The following C6orf58 variants were observed in gnomAD, a reference collection of about 807,000 sequenced individuals.
C6orf58 encodes chromosome 6 open reading frame 58.
C6orf58 carries 30 observed loss-of-function variants against 37.0 expected under a neutral mutation model. The ratio of observed to expected loss-of-function variants is 0.81; its 90% CI spans 0.61 to 1.10. C6orf58 has a LOEUF of 1.10. Among genes scored for constraint, C6orf58 ranks in the 50% least tolerant of loss-of-function variants. The pLI, the probability that C6orf58 is intolerant of heterozygous loss-of-function variation, is 0.00. For missense variants in C6orf58, 368 were observed against 387.5 expected (o/e 0.95, Z 0.42); for synonymous variants, 143 against 134.1 (o/e 1.07, Z -0.46).
chr6:127,590,323 T>G lies in C6orf58; in HGVS notation c.911T>G (p.Ile304Arg). The change falls in exon 5 of 6, where the codon ATA becomes AGA. Residue 304 changes from isoleucine to arginine, a missense_variant and splice_region_variant. Transcript: ENST00000329722. Reference sequence around the variant, plus strand: ...ATGCTTGACAATGTGGATAAATCTATAGGTAAGAACCTTAAAAGGATACTT... The same window carrying G: ...ATGCTTGACAATGTGGATAAATCTAGAGGTAAGAACCTTAAAAGGATACTT... ...LNMLDNVDKSIGYLCTEKSNV... is the reference protein window; with the variant it reads ...LNMLDNVDKSRGYLCTEKSNV... 6.4e-7 allele frequency: 1 copy of G among 1,572,320 alleles called. No individual in the cohort carries two copies. Among genetic ancestry groups the G allele is most frequent in the Non-Finnish European group, 8.7e-7 (1 of 1,146,526 alleles).
chr6:127,591,819 A>G lies in C6orf58; in HGVS notation c.*197A>G. ...AAATTAAATGCATTCAAGTTAAAAT[A>G]ATGATTATTTTGCTCATGATTTTAA... is the stretch of plus-strand genomic sequence containing the variant. On this transcript the variant is annotated 3_prime_UTR_variant, in exon 6 of 6. Coordinates refer to ENST00000329722, the MANE Select transcript of C6orf58 (RefSeq NM_001010905.3). 1 of 354,682 alleles carries G rather than the reference A, an allele frequency of 2.8e-6. No individual in the cohort carries two copies. The highest frequency in any genetic ancestry group is 4.8e-6 in the Non-Finnish European group (1 of 208,280). The allele number at this position is 354,682 out of a possible 1,614,324, so 22.0% of individuals were successfully genotyped here.
At chr6:127,590,002 C>A in intron 4 of C6orf58, 85 bp from the exon 5 acceptor site, 2 of 870,898 alleles carry the variant, frequency 2.3e-6, no homozygotes, top group South Asian at 1.7e-5. Flanking sequence ...AGTTTGTTGG[C>A]AAGAACCAAT....
At chr6:127,591,010 A>C (rs1775157191) in intron 5 of C6orf58, among the ~76,000 whole-genome samples, 1 of 152,188 alleles carries the variant, frequency 6.6e-6, no homozygotes, top group South Asian at 2.1e-4. Flanking sequence ...ATGTTTAAAA[A>C]AAACCTCTGC....
intron 1 of C6orf58, 88 bp downstream of exon 1, chr6:127,577,574 T>C (rs1775003359): frequency 5.4e-6 from 6 of 1,111,534 alleles, no homozygotes; most frequent in Non-Finnish European, 7.9e-6. Context: ...TACCCTACTA[T>C]GTTTTTAAAA....
At chr6:127,583,698 C>T (rs1002338140) in intron 4 of C6orf58, among the ~76,000 whole-genome samples, 5 of 152,038 alleles carry the variant, frequency 3.3e-5, no homozygotes, top group Non-Finnish European at 7.4e-5. Context: ...TCTTTGGTGT[C>T]GTTTCCAAAA....
At chr6:127,590,010 A>G (rs1341760456) in intron 4 of C6orf58, 77 bp from the exon 5 acceptor site, 2 of 932,080 alleles carry the variant, frequency 2.1e-6, no homozygotes, top group East Asian at 2.4e-5. Flanking sequence ...GGCAAGAACC[A>G]ATATTTTCTG....
At chr6:127,590,880 C>A (rs1266809871) in intron 5 of C6orf58, among the ~76,000 whole-genome samples, 1 of 152,054 alleles carries the variant, frequency 6.6e-6, no homozygotes, top group Non-Finnish European at 1.5e-5. Context: ...GTGACTATAT[C>A]ATTCCCATTT....
chr6:127,590,245 C>T lies in C6orf58; in HGVS notation c.833C>T (p.Pro278Leu). The T allele has an allele frequency of 6.2e-7, 1 of 1,613,482 alleles. No homozygotes were observed. The highest frequency in any genetic ancestry group is 1.7e-4 in the Middle Eastern group (1 of 6,058). The change falls in exon 5 of 6, where the codon CCT becomes CTT. Residue 278 changes from proline to leucine, a missense_variant. Pro to Leu is a moderately conservative substitution (Grantham distance 98). Coordinates refer to ENST00000329722, the MANE Select transcript of C6orf58 (RefSeq NM_001010905.3). ...ATTCTTCTTAATACTGATGTAGCCC[C>T]TTTCATCAGTGACTTTACTGCTTTT... ...PRILLNTDVA[P>L]FISDFTAFQN... is the part of the protein sequence containing the mutation.
At chr6:127,591,469 G>A (rs1775161682) in intron 5 of C6orf58, 74 bp from the exon 6 acceptor site, 2 of 1,268,476 alleles carry the variant, frequency 1.6e-6, no homozygotes, top group Non-Finnish European at 1.1e-6. Context: ...ATAAAATTAT[G>A]AGCCATATAT....
chr6:127,583,763 G>A (rs1775074828), intron 4 of C6orf58, among the ~76,000 whole-genome samples: 1 of 152,164 alleles, frequency 6.6e-6, no homozygotes, highest in African/African-American at 2.4e-5. Flanking sequence ...CAGCTGGTGG[G>A]CTGCAAAGGG....
intron 5 of C6orf58, among the ~76,000 whole-genome samples, 174 bp from the exon 6 acceptor site, chr6:127,591,369 A>T (rs1775160713): frequency 6.6e-6 from 1 of 152,160 alleles, no homozygotes; most frequent in Non-Finnish European, 1.5e-5. Flanking sequence ...GCCAAATGGT[A>T]TTGCCAATAA....
At chr6:127,582,076 G>T (rs1080437) in intron 4 of C6orf58, among the ~76,000 whole-genome samples, 8,695 of 152,198 alleles carry the variant, frequency 0.057, 666 homozygotes, top group East Asian at 0.3. Flanking sequence ...AAAACCTTGG[G>T]CATTGACATC....
Position 127,577,374 on chromosome 6 carries a change from G to C in C6orf58, c.189G>C (p.Met63Ile). 6.2e-7 allele frequency: 1 copy of C among 1,613,548 alleles called. No homozygotes were observed. Among genetic ancestry groups the C allele is most frequent in the Non-Finnish European group, 8.5e-7 (1 of 1,179,588 alleles). Residue 63 changes from methionine (M) to isoleucine (I), a missense_variant, in exon 1 of 6, where the codon ATG (methionine) becomes ATC (isoleucine). Physicochemically the swap from Met to Ile is conservative, Grantham distance 10 (BLOSUM62 1). Transcript: ENST00000329722. ...GGGTATACCTTGAGAGAATGGGGAT[G>C]TATAAAATCATATTGAATCAGACAG... ...NPWVYLERMG[M>I]YKIILNQTAR...
At chr6:127,591,403 T>G (rs1775160987) in intron 5 of C6orf58, 140 bp from the exon 6 acceptor site, 2 of 753,342 alleles carry the variant, frequency 2.7e-6, no homozygotes, top group Admixed American at 8.7e-5. Context: ...ATGCCATGCT[T>G]ACTTTTCTTT....
chr6:127,577,548 A>G, intron 1 of C6orf58, 62 bp downstream of exon 1: 1 of 1,447,708 alleles, frequency 6.9e-7, no homozygotes, highest in Non-Finnish European at 9.7e-7. Flanking sequence ...GTATTTGGGA[A>G]ATTGGACTCT....
chr6:127,587,530 A>C (rs1242012695), intron 4 of C6orf58, among the ~76,000 whole-genome samples: 1 of 152,176 alleles, frequency 6.6e-6, no homozygotes, highest in Non-Finnish European at 1.5e-5. Flanking sequence ...CTGATTTGTT[A>C]ATCTACCTGT....
At chr6:127,586,235 G>T (rs1420748998) in intron 4 of C6orf58, among the ~76,000 whole-genome samples, 1 of 152,168 alleles carries the variant, frequency 6.6e-6, no homozygotes, top group Non-Finnish European at 1.5e-5. Flanking sequence ...CAAAGGAAAA[G>T]TCAGGCACAC....
chr6:127,589,414 A>G (rs1250006475), intron 4 of C6orf58, among the ~76,000 whole-genome samples: 1 of 152,236 alleles, frequency 6.6e-6, no homozygotes. Flanking sequence ...AACAGAAGAC[A>G]TGACTTTTAT....
At chr6:127,582,758 G>T (rs1562160021) in intron 4 of C6orf58, among the ~76,000 whole-genome samples, 2 of 152,080 alleles carry the variant, frequency 1.3e-5, no homozygotes. Flanking sequence ...AAGAGTTGCA[G>T]ACCAATATCC....
Sources: gnomAD v4.1 joint callset for allele counts (sites outside exome capture counted in the v4.1 genomes callset) on GRCh38, gnomAD v4.1.1 for gene constraint, MANE v1.5 for transcripts, NCBI Gene and HGNC (gene_info 2026-07-23, HGNC 2026-07-21) for gene names.